LEKR1: variants seen among roughly 807,000 people sequenced by gnomAD.
LEKR1 encodes leucine, glutamate and lysine rich 1.
In LEKR1, 59 loss-of-function variants were observed where a neutral mutation model predicts 72.4. The observed-to-expected ratio is 0.82, with a 90% CI of 0.66 to 1.01. The LOEUF (loss-of-function observed/expected upper bound fraction) is 1.01. LEKR1 is among the 50% of genes least tolerant of loss of function. The pLI is 0.00. For synonymous variants in LEKR1, 257 were observed against 263.2 expected (o/e 0.98, Z 0.23); for missense variants, 728 against 759.2 (o/e 0.96, Z 0.48).
intron 2 of LEKR1, among the ~76,000 whole-genome samples, chr3:156,831,883 G>A (rs879820757): frequency 6.6e-6 from 1 of 152,180 alleles, no homozygotes; most frequent in Non-Finnish European, 1.5e-5. Flanking sequence ...ACTGAATTTG[G>A]TTAGGTCAGA....
chr3:156,830,515 T>G (rs1191411662), intron 2 of LEKR1, among the ~76,000 whole-genome samples: 10 of 152,186 alleles, frequency 6.6e-5, no homozygotes. Flanking sequence ...GACCATTAGA[T>G]ATGTATATAT....
At chr3:156,861,291 G>T (rs981545014) in intron 3 of LEKR1, among the ~76,000 whole-genome samples, 1 of 152,036 alleles carries the variant, frequency 6.6e-6, no homozygotes, top group African/African-American at 2.4e-5. Flanking sequence ...TCTCATCCAG[G>T]CTTCTGCTTT....
intron 3 of LEKR1, among the ~76,000 whole-genome samples, chr3:156,900,465 G>C (rs760406232): frequency 2.0e-5 from 3 of 152,092 alleles, no homozygotes; most frequent in Non-Finnish European, 4.4e-5. Flanking sequence ...CTCTTAGCCA[G>C]TCTTATAACT....
chr3:156,892,541 A>T (rs1414141708), intron 3 of LEKR1, among the ~76,000 whole-genome samples: 2 of 152,184 alleles, frequency 1.3e-5, no homozygotes, highest in African/African-American at 4.8e-5. Flanking sequence ...TTTTGTCTTT[A>T]TAGGTGAGCA....
chr3:156,992,412 T>G (rs1731207725), intron 7 of LEKR1, among the ~76,000 whole-genome samples: 1 of 152,186 alleles, frequency 6.6e-6, no homozygotes, highest in Non-Finnish European at 1.5e-5. Flanking sequence ...TGGGTTTTGG[T>G]TTTGTTTATT....
intron 9 of LEKR1, 135 bp from the exon 10 acceptor site, chr3:157,011,278 T>C (rs1732864888): frequency 1.6e-6 from 1 of 607,928 alleles, no homozygotes. Flanking sequence ...AAATGATATG[T>C]AGTAGCAGCA....
chr3:156,869,561 T>G (rs1368732036), intron 3 of LEKR1, among the ~76,000 whole-genome samples: 2 of 152,182 alleles, frequency 1.3e-5, no homozygotes, highest in Admixed American at 1.3e-4. Context: ...GGTTTTTTAC[T>G]GCTAAGGGTT....
intron 9 of LEKR1, among the ~76,000 whole-genome samples, chr3:157,009,337 A>C (rs941749214): frequency 1.3e-5 from 2 of 152,134 alleles, no homozygotes; most frequent in Non-Finnish European, 2.9e-5. Context: ...TGTATTCTAC[A>C]TTTATAGCAC....
At chr3:156,883,820 C>T (rs565584094) in intron 3 of LEKR1, among the ~76,000 whole-genome samples, 1 of 152,262 alleles carries the variant, frequency 6.6e-6, no homozygotes, top group South Asian at 2.1e-4. Flanking sequence ...TCAGCTATGT[C>T]TTTTTCAGCA....
At chr3:156,865,388 G>A (rs1374540811) in intron 3 of LEKR1, among the ~76,000 whole-genome samples, 1 of 152,000 alleles carries the variant, frequency 6.6e-6, no homozygotes, top group Non-Finnish European at 1.5e-5. Context: ...ATGGGGGTGT[G>A]TGAGATTTGT....
At chr3:156,915,510 T>C (rs1265349346) in intron 3 of LEKR1, among the ~76,000 whole-genome samples, 6 of 152,152 alleles carry the variant, frequency 3.9e-5, no homozygotes, top group Non-Finnish European at 8.8e-5. Context: ...TAATGATCAA[T>C]TATATTGAGT....
chr3:157,007,129 G>A (rs574316201), intron 9 of LEKR1, among the ~76,000 whole-genome samples: 1 of 152,304 alleles, frequency 6.6e-6, no homozygotes, highest in East Asian at 1.9e-4. Flanking sequence ...GTGAACCCGG[G>A]AGGCGGAGCT....
At chr3:156,850,090 T>C (rs866958561) in intron 2 of LEKR1, among the ~76,000 whole-genome samples, 15 of 151,978 alleles carry the variant, frequency 9.9e-5, no homozygotes, top group South Asian at 2.1e-4. Flanking sequence ...CATCAAAAAG[T>C]GGGCGAAGGA....
intron 2 of LEKR1, among the ~76,000 whole-genome samples, chr3:156,837,506 G>T (rs416600): frequency 6.6e-6 from 1 of 152,162 alleles, no homozygotes; most frequent in Non-Finnish European, 1.5e-5. Flanking sequence ...TTTCAGGGAC[G>T]TGCAGCAAAG....
chr3:157,003,924 G>A (rs1732212905), intron 9 of LEKR1, among the ~76,000 whole-genome samples: 1 of 152,052 alleles, frequency 6.6e-6, no homozygotes, highest in Non-Finnish European at 1.5e-5. Flanking sequence ...AAGGGAAAGG[G>A]AAGAAAAAAC....
At chr3:156,827,014 A>G (rs1711692823) in intron 1 of LEKR1, 1 of 154,302 alleles carries the variant, frequency 6.5e-6, no homozygotes, top group African/African-American at 2.4e-5. Context: ...ACGTAGCTGC[A>G]GCCACTTATC....
chr3:156,948,655 A>G (rs1726889841), intron 6 of LEKR1, among the ~76,000 whole-genome samples: 1 of 151,430 alleles, frequency 6.6e-6, no homozygotes, highest in African/African-American at 2.4e-5. Context: ...TTTGTGGTAG[A>G]ATGCTTTATA....
intron 7 of LEKR1, chr3:156,980,038 A>G (rs1216413256): frequency 7.9e-5 from 12 of 152,132 alleles, no homozygotes; most frequent in Admixed American, 6.5e-4. Context: ...AGTAAAAATT[A>G]CTTTTATTTC....
intron 3 of LEKR1, among the ~76,000 whole-genome samples, chr3:156,899,615 CATATAT>C (rs768561690): frequency 1.2e-4 from 10 of 85,496 alleles, no homozygotes; most frequent in Admixed American, 2.4e-4. Context: ...TATATACACA[CATATAT>C]ACACATATAT....
Sources: gnomAD v4.1 joint callset for allele counts (sites outside exome capture counted in the v4.1 genomes callset) on GRCh38, gnomAD v4.1.1 for gene constraint, MANE v1.5 for transcripts, NCBI Gene and HGNC (gene_info 2026-07-23, HGNC 2026-07-21) for gene names.